ENTREP3: variants seen among roughly 807,000 people sequenced by gnomAD.
ENTREP3 encodes the protein protein ENTREP3.
At chr1:155,247,933 CG>C in the ENTREP3 span, 1 of 1,599,814 alleles carries the variant, frequency 6.3e-7, no homozygotes. Flanking sequence ...TCGGCCAGGC[CG>C]GCCCCACAGG....
At chr1:155,254,802 G>C in the ENTREP3 span, 1 of 1,611,814 alleles carries the variant, frequency 6.2e-7, no homozygotes, top group Non-Finnish European at 8.5e-7. The surrounding 1 kb of genome is among the most constrained non-coding windows in gnomAD (Gnocchi z 4.4). Flanking sequence ...GGTCGGTGGA[G>C]GCGGAGGTGG....
chr1:155,248,237 C>A, the ENTREP3 span: 24 of 1,604,308 alleles, frequency 1.5e-5, no homozygotes, highest in Non-Finnish European at 2.0e-5. Context: ...CTCGGCTGAC[C>A]GGGCACGTAG....
the ENTREP3 span, chr1:155,255,415 T>TC: frequency 3.3e-5 from 5 of 151,182 alleles, no homozygotes; most frequent in African/African-American, 1.2e-4. This position sits in a 1 kb window ranked among gnomAD's most constrained non-coding sequence, Gnocchi z 5.6. Context: ...CCCGCTCCCC[T>TC]CCCCACCACG....
the ENTREP3 span, chr1:155,247,210 A>G: frequency 3.0e-6 from 1 of 338,564 alleles, no homozygotes; most frequent in African/African-American, 2.1e-5. Flanking sequence ...GAGAATGATC[A>G]AGAAAACAAG....
chr1:155,248,161 G>A, the ENTREP3 span: 5 of 1,614,036 alleles, frequency 3.1e-6, no homozygotes, highest in Non-Finnish European at 4.2e-6. Flanking sequence ...GGTCCCCCAG[G>A]GAGTGGGCAG....
chr1:155,255,041 G>A, the ENTREP3 span: 9 of 620,004 alleles, frequency 1.5e-5, no homozygotes, highest in Non-Finnish European at 2.0e-5. The surrounding 1 kb of genome is among the most constrained non-coding windows in gnomAD (Gnocchi z 5.6). Context: ...CAGCTGTGGG[G>A]GGGGCCAAGC....
At chr1:155,251,203 C>A in the ENTREP3 span, 1 of 1,482,954 alleles carries the variant, frequency 6.7e-7, no homozygotes, top group Non-Finnish European at 9.2e-7. Context: ...GCCCTACACA[C>A]TGAACACCCC....
chr1:155,247,695 A>T, the ENTREP3 span: 2 of 1,280,848 alleles, frequency 1.6e-6, no homozygotes, highest in Non-Finnish European at 2.1e-6. Context: ...TTTTTGTGCC[A>T]GCCAGTGCAA....
At chr1:155,251,161 T>G in the ENTREP3 span, 2 of 1,604,114 alleles carry the variant, frequency 1.2e-6, no homozygotes, top group Non-Finnish European at 1.7e-6. Flanking sequence ...TCAAAGAGAG[T>G]GGCCTGCAGA....
At chr1:155,251,907 T>A in the ENTREP3 span, 1 of 1,428,756 alleles carries the variant, frequency 7.0e-7, no homozygotes, top group Non-Finnish European at 9.1e-7. Flanking sequence ...AGGGGCCAGC[T>A]GCTGGGGAAG....
chr1:155,255,368 G>A, the ENTREP3 span: 1 of 160,008 alleles, frequency 6.2e-6, no homozygotes, highest in Non-Finnish European at 1.4e-5. The surrounding 1 kb of genome is among the most constrained non-coding windows in gnomAD (Gnocchi z 5.6). Flanking sequence ...GCCTGGTGGG[G>A]AGAGGCCGCG....
chr1:155,250,187 C>G, the ENTREP3 span: 12 of 1,205,564 alleles, frequency 1.0e-5, no homozygotes, highest in Non-Finnish European at 1.4e-5. This position sits in a 1 kb window ranked among gnomAD's most constrained non-coding sequence, Gnocchi z 5.4. Context: ...GGGACCTCAA[C>G]TGTGCCCCAA....
At chr1:155,251,693 C>T in the ENTREP3 span, 4 of 1,610,662 alleles carry the variant, frequency 2.5e-6, no homozygotes, top group Non-Finnish European at 3.4e-6. Context: ...GCCCCAGTCC[C>T]CTTCCTTAGC....
the ENTREP3 span, chr1:155,251,044 G>T: frequency 6.5e-7 from 1 of 1,530,710 alleles, no homozygotes; most frequent in Non-Finnish European, 9.0e-7. Flanking sequence ...ACCCACCCCA[G>T]CTATCCCTGG....
At chr1:155,254,552 G>A in the ENTREP3 span, 4 of 1,564,592 alleles carry the variant, frequency 2.6e-6, no homozygotes, top group Non-Finnish European at 2.6e-6. This position sits in a 1 kb window ranked among gnomAD's most constrained non-coding sequence, Gnocchi z 4.4. Context: ...GGAGGCAGAG[G>A]ACCAGGAGAG....
chr1:155,252,690 G>GTGCATATATATA, the ENTREP3 span: 1 of 32,880 alleles, frequency 3.0e-5, no homozygotes, highest in African/African-American at 1.9e-4. Flanking sequence ...AATTTTGTGT[G>GTGCATATATATA]TATATATATA....
At chr1:155,252,720 A>AT in the ENTREP3 span, 387 of 29,478 alleles carry the variant, frequency 0.013, 4 homozygotes, top group Non-Finnish European at 0.017. Context: ...ATATATATAT[A>AT]TATTTTTTTT....
the ENTREP3 span, chr1:155,251,684 CCCCAGT>C: frequency 6.2e-7 from 1 of 1,607,376 alleles, no homozygotes; most frequent in African/African-American, 1.3e-5. Flanking sequence ...CCAGGCCCAG[CCCCAGT>C]CCCCTTCCTT....
the ENTREP3 span, chr1:155,247,312 G>T: frequency 2.2e-6 from 1 of 452,238 alleles, no homozygotes; most frequent in South Asian, 1.6e-5. Flanking sequence ...GGCAATTGGG[G>T]TTACATAGCT....
Sources: allele counts gnomAD v4.1 joint callset, GRCh38; gene constraint gnomAD v4.1.1; non-coding constraint Gnocchi (gnomAD v3.1); transcripts MANE v1.5; gene names NCBI Gene and HGNC (gene_info 2026-07-23, HGNC 2026-07-21).